Variants in GLB1 observed in about 807,000 individuals in gnomAD.
The protein encoded by GLB1 is galactosidase beta 1.
Under a neutral mutation model 74.0 loss-of-function variants are expected in GLB1, and 56 were observed. The observed-to-expected ratio is 0.76, with a 90% CI of 0.61 to 0.94. GLB1 has a LOEUF of 0.94. GLB1 is among the 40% of genes least tolerant of loss of function. The pLI, the probability that GLB1 is intolerant of heterozygous loss-of-function variation, is 0.00. For synonymous variants in GLB1, 323 were observed against 323.6 expected (o/e 1.00, Z 0.02); for missense variants, 787 against 845.5 (o/e 0.93, Z 0.86).
intron 4 of GLB1, 134 bp from the exon 5 acceptor site, chr3:33,065,691 G>C: frequency 9.2e-7 from 1 of 1,083,332 alleles, no homozygotes; most frequent in Non-Finnish European, 1.3e-6. Flanking sequence ...TTTCTGGCTG[G>C]GTGCGGTGGC....
intron 10 of GLB1, chr3:33,033,864 T>C (rs1014502200): frequency 2.0e-6 from 1 of 502,576 alleles, no homozygotes; most frequent in South Asian, 1.6e-5. Context: ...GCTGGTATCA[T>C]GGTGTCAGTA....
the GLB1 span, among the ~76,000 whole-genome samples, chr3:32,979,792 C>T: frequency 7.1e-6 from 1 of 139,978 alleles, no homozygotes; most frequent in Admixed American, 7.7e-5. Flanking sequence ...GTCAAGGCTG[C>T]AGTGAGTTGT....
Position 33,024,144 on chromosome 3 carries a change from A to G in GLB1, c.1143+107T>C, listed in dbSNP as rs750871086. The G allele has an allele frequency of 3.3e-5, 43 of 1,310,242 alleles. No homozygotes were observed. In the Middle Eastern group the frequency reaches 7.3e-4, roughly 22 times the overall value. The allele number at this position is 1,310,242 out of a possible 1,614,324, so 81.2% of individuals were successfully genotyped here. On this transcript the variant is annotated intron_variant, in intron 11 of 15. Transcript: ENST00000307363. ...TTGCAGAAAACAAATTCGCAGAAAA[A>G]TAACGAACCAATTCCTCCAGCACAG...
At chr3:33,040,071 C>T (rs1698438560) in intron 10 of GLB1, among the ~76,000 whole-genome samples, 1 of 152,162 alleles carries the variant, frequency 6.6e-6, no homozygotes, top group African/African-American at 2.4e-5. Flanking sequence ...TTCCTAGATC[C>T]TTTACCCTCA....
At chr3:33,090,329 G>A (rs1310603566) in intron 1 of GLB1, 5 of 917,496 alleles carry the variant, frequency 5.4e-6, no homozygotes, top group South Asian at 5.0e-5. Context: ...GAGTGGTCTC[G>A]TCATGCTTGT....
chr3:33,089,808 T>A (rs978585730), intron 1 of GLB1, among the ~76,000 whole-genome samples: 1 of 152,116 alleles, frequency 6.6e-6, no homozygotes, highest in Non-Finnish European at 1.5e-5. Context: ...GATGAAAAAG[T>A]TCTACAGATC....
At chr3:33,095,027 A>T (rs1453442307) in intron 1 of GLB1, among the ~76,000 whole-genome samples, 2 of 152,150 alleles carry the variant, frequency 1.3e-5, no homozygotes, top group Non-Finnish European at 2.9e-5. Context: ...CCTGGCCAAC[A>T]TGGTAAAACC....
intron 14 of GLB1, among the ~76,000 whole-genome samples, chr3:33,015,022 G>T (rs576870850): frequency 1.3e-5 from 2 of 152,070 alleles, no homozygotes; most frequent in Non-Finnish European, 2.9e-5. Context: ...CTAGTGTGGG[G>T]GCATGCACGT....
intron 5 of GLB1, among the ~76,000 whole-genome samples, chr3:33,064,810 G>T (rs1699606732): frequency 7.0e-6 from 1 of 143,114 alleles, no homozygotes; most frequent in South Asian, 2.3e-4. Context: ...AGCATCCATG[G>T]CATCCTTGGT....
chr3:33,028,665 A>ATTTTTTT (rs199938060), intron 10 of GLB1, among the ~76,000 whole-genome samples: 1 of 148,274 alleles, frequency 6.7e-6, no homozygotes, highest in Non-Finnish European at 1.5e-5. Flanking sequence ...TTTACCCAAA[A>ATTTTTTT]ATTTTTTTTT....
intron 5 of GLB1, among the ~76,000 whole-genome samples, chr3:33,064,848 T>C (rs959675660): frequency 3.3e-5 from 5 of 151,452 alleles, no homozygotes; most frequent in African/African-American, 4.9e-5. Flanking sequence ...GGTTTTATGT[T>C]TCACCTAAGT....
chr3:33,021,365 G>A, intron 12 of GLB1: 5 of 625,788 alleles, frequency 8.0e-6, no homozygotes, highest in South Asian at 7.8e-5. Context: ...AAGAAGTGGG[G>A]CAAAAAATAT....
chr3:32,966,037 G>A, the GLB1 span, among the ~76,000 whole-genome samples: 1 of 152,238 alleles, frequency 6.6e-6, no homozygotes, highest in Non-Finnish European at 1.5e-5. Context: ...CCCTCATGGA[G>A]AATCTCTGTA....
chr3:32,968,766 G>C, the GLB1 span, among the ~76,000 whole-genome samples: 6 of 152,194 alleles, frequency 3.9e-5, no homozygotes, highest in African/African-American at 1.4e-4. Flanking sequence ...AGGACCGCCA[G>C]ATCTAACTAA....
intron 5 of GLB1, among the ~76,000 whole-genome samples, chr3:33,063,903 C>T (rs1274496380): frequency 1.3e-5 from 2 of 152,196 alleles, no homozygotes; most frequent in African/African-American, 4.8e-5. Context: ...CCTCCCACCA[C>T]AAAGCCTCAG....
chr3:33,079,194 T>C (rs1700235947), intron 1 of GLB1, among the ~76,000 whole-genome samples: 1 of 152,190 alleles, frequency 6.6e-6, no homozygotes, highest in Admixed American at 6.5e-5. Flanking sequence ...AGGTAGGTAT[T>C]GCCTGGGAAG....
chr3:33,052,147 T>G (rs1699021507), intron 7 of GLB1, 143 bp from the exon 8 acceptor site: 1 of 1,419,542 alleles, frequency 7.0e-7, no homozygotes, highest in Non-Finnish European at 9.6e-7. Flanking sequence ...CGCCCCCCAG[T>G]GAGCACTTCC....
the GLB1 span, among the ~76,000 whole-genome samples, chr3:32,980,551 G>A: frequency 6.6e-6 from 1 of 152,202 alleles, no homozygotes; most frequent in African/African-American, 2.4e-5. Flanking sequence ...GGGAGGCCAA[G>A]GTGGGTGGAT....
intron 10 of GLB1, among the ~76,000 whole-genome samples, chr3:33,029,528 T>C (rs1387665929): frequency 6.6e-6 from 1 of 152,186 alleles, no homozygotes; most frequent in African/African-American, 2.4e-5. Context: ...GTATTTTCAC[T>C]AGTAAAGACA....
Sources: allele counts gnomAD v4.1 joint callset (sites outside exome capture counted in the v4.1 genomes callset), GRCh38; gene constraint gnomAD v4.1.1; transcripts MANE v1.5; gene names NCBI Gene and HGNC (gene_info 2026-07-23, HGNC 2026-07-21).